Variants in ZNF503 observed in about 807,000 individuals in gnomAD.
ZNF503 encodes the protein zinc finger protein 503, also known as NocA-like zinc finger 2.
Under a neutral mutation model 34.4 loss-of-function variants are expected in ZNF503, and 15 were observed. The observed-to-expected ratio is 0.44, with a 90% confidence interval of 0.29 to 0.67. The LOEUF (loss-of-function observed/expected upper bound fraction) is 0.67, where lower values mean the gene tolerates loss of function less well. Ranked by LOEUF, ZNF503 falls within the 30% of genes least tolerant of loss-of-function variation. ZNF503 has a pLI of 0.13. For missense variants in ZNF503, 1,007 were observed against 926.8 expected (o/e 1.09, Z -1.12); for synonymous variants, 580 against 456.8 (o/e 1.27, Z -3.44).
At chr10:75,322,150 G>T in the ZNF503 span, among the ~76,000 whole-genome samples, 1 of 136,438 alleles carries the variant, frequency 7.3e-6, no homozygotes, top group Non-Finnish European at 1.5e-5. Flanking sequence ...TTTTGAGACA[G>T]AGTCTTGCTC....
Position 75,400,211 on chromosome 10 carries a change from C to A in ZNF503, c.479G>T (p.Gly160Val), listed in dbSNP as rs752351022. The change falls in exon 2 of 2, where the codon GGC (glycine) becomes GTC (valine). Residue 160 changes from glycine (G) to valine (V), a missense_variant. By Grantham distance (109) the Gly-to-Val change is moderately radical (BLOSUM62 -3). Coordinates refer to ENST00000372524, the MANE Select transcript of ZNF503 (RefSeq NM_032772.6). Reference protein sequence around the residue: ...GAAGDKDTKSGPLKLSDIGVE... With the variant: ...GAAGDKDTKSVPLKLSDIGVE... ...GCCGATGTCGCTCAGCTTCAGGGGG[C>A]CCGATTTGGTGTCCTTGTCGCCCGC... The A allele has an allele frequency of 4.4e-6, 7 of 1,603,992 alleles. No homozygotes were observed. Among genetic ancestry groups the A allele is most frequent in the Non-Finnish European group, 5.1e-6 (6 of 1,176,608 alleles).
At chr10:75,325,196 C>T in the ZNF503 span, among the ~76,000 whole-genome samples, 1 of 152,100 alleles carries the variant, frequency 6.6e-6, no homozygotes, top group Non-Finnish European at 1.5e-5. Flanking sequence ...AAATGACTAT[C>T]TTTTCTCCAT....
chr10:75,332,081 T>C, the ZNF503 span, among the ~76,000 whole-genome samples: 1 of 152,152 alleles, frequency 6.6e-6, no homozygotes, highest in Non-Finnish European at 1.5e-5. Flanking sequence ...TTCTTTGTCT[T>C]TGAGCAGTTT....
the ZNF503 span, among the ~76,000 whole-genome samples, chr10:75,316,880 C>T: frequency 2.8e-4 from 42 of 152,244 alleles, no homozygotes; most frequent in Middle Eastern, 6.8e-3. Context: ...GGAAACATAA[C>T]ATGCCAAAAC....
At chr10:75,326,812 A>G in the ZNF503 span, among the ~76,000 whole-genome samples, 2 of 152,082 alleles carry the variant, frequency 1.3e-5, no homozygotes, top group East Asian at 3.9e-4. Flanking sequence ...CTGGGATTAC[A>G]GGCTCATGCC....
At chr10:75,287,555 C>T in the ZNF503 span, among the ~76,000 whole-genome samples, 1 of 152,116 alleles carries the variant, frequency 6.6e-6, no homozygotes, top group Non-Finnish European at 1.5e-5. Context: ...TACCTACCCT[C>T]CCATACCTAC....
the ZNF503 span, among the ~76,000 whole-genome samples, chr10:75,303,303 C>T: frequency 6.6e-6 from 1 of 152,142 alleles, no homozygotes; most frequent in African/African-American, 2.4e-5. Flanking sequence ...GAGTCCAGGG[C>T]CAGGTGTATG....
At chr10:75,323,466 A>ATTTCCACCAGCACTATTTGAGG in the ZNF503 span, among the ~76,000 whole-genome samples, 4 of 152,166 alleles carry the variant, frequency 2.6e-5, no homozygotes, top group Non-Finnish European at 5.9e-5. Flanking sequence ...ACCATTTTGC[A>ATTTCCACCAGCACTATTTGAGG]TTTCCACCAG....
rs1315756496 is a variant in ZNF503 at position 75,399,271 on chromosome 10, G to A, written c.1419C>T (p.His473=). ...GCGAGGAGTGCACACCGTGCAGCGG[G>A]TGCGTGGGGTACACCAGCGGGTATC... ...KSGYPLVYPT[H]PLHGVHSSLT... is the part of the protein sequence containing the mutation. The change falls in exon 2 of 2, where the codon CAC becomes CAT. Residue 473 remains histidine (H), a synonymous_variant. Coordinates refer to ENST00000372524, the MANE Select transcript of ZNF503 (RefSeq NM_032772.6). 14 of 1,599,422 alleles carry A rather than the reference G, an allele frequency of 8.8e-6. No individual in the cohort carries two copies. Among genetic ancestry groups the A allele is most frequent in the Non-Finnish European group, 1.2e-5 (14 of 1,173,568 alleles).
chr10:75,317,861 T>G, the ZNF503 span, among the ~76,000 whole-genome samples: 1 of 151,370 alleles, frequency 6.6e-6, no homozygotes, highest in African/African-American at 2.4e-5. Context: ...CTGGGCATGA[T>G]GGCAGGCACC....
chr10:75,299,762 GCCGTGAAA>G, the ZNF503 span, among the ~76,000 whole-genome samples: 2 of 152,196 alleles, frequency 1.3e-5, no homozygotes, highest in Non-Finnish European at 2.9e-5. Flanking sequence ...TGCCTGCCGA[GCCGTGAAA>G]CCAGCAAGTT....
the ZNF503 span, chr10:75,382,786 A>G: frequency 9.2e-6 from 3 of 326,274 alleles, no homozygotes; most frequent in Admixed American, 1.2e-4. Flanking sequence ...CAGCTCTTTA[A>G]GAAGACTCCC....
the ZNF503 span, among the ~76,000 whole-genome samples, chr10:75,304,837 A>G: frequency 6.6e-6 from 1 of 152,282 alleles, no homozygotes; most frequent in South Asian, 2.1e-4. Context: ...CTGCATAAAG[A>G]TTATTTCTAA....
the ZNF503 span, among the ~76,000 whole-genome samples, chr10:75,311,326 C>T: frequency 6.6e-6 from 1 of 152,188 alleles, no homozygotes; most frequent in Non-Finnish European, 1.5e-5. Flanking sequence ...CTGCCTTTCC[C>T]ACTCCACTGA....
At chr10:75,377,743 C>T in the ZNF503 span, among the ~76,000 whole-genome samples, 2 of 152,204 alleles carry the variant, frequency 1.3e-5, no homozygotes, top group South Asian at 4.1e-4. Context: ...TACCATTGTG[C>T]AATGCGAGGT....
Position 75,399,139 on chromosome 10 carries a change from G to A in ZNF503, c.1551C>T (p.Asn517=), listed in dbSNP as rs767476555. Reference sequence around the variant, plus strand: ...CGCACGGCCCGTTGGCCGACACCCAGTTGCAGATGTGGGGGAGTGGGTCGT... The same window carrying A: ...CGCACGGCCCGTTGGCCGACACCCAATTGCAGATGTGGGGGAGTGGGTCGT... ...LPNDPLPHIC[N]WVSANGPCDK... is the part of the protein sequence containing the mutation. The change falls in exon 2 of 2, where the codon AAC becomes AAT. Residue 517 remains asparagine, a synonymous_variant. Coordinates refer to ENST00000372524, the MANE Select transcript of ZNF503 (RefSeq NM_032772.6). The A allele has an allele frequency of 1.6e-5, 26 of 1,613,482 alleles. No individual in the cohort carries two copies. Among genetic ancestry groups the A allele is most frequent in the Middle Eastern group, 1.6e-4 (1 of 6,082 alleles).
At chr10:75,294,933 C>G in the ZNF503 span, among the ~76,000 whole-genome samples, 1 of 152,150 alleles carries the variant, frequency 6.6e-6, no homozygotes, top group Non-Finnish European at 1.5e-5. Flanking sequence ...TTATTGGTTA[C>G]GCTGTTGTGT....
chr10:75,333,077 C>G, the ZNF503 span, among the ~76,000 whole-genome samples: 1 of 146,896 alleles, frequency 6.8e-6, no homozygotes, highest in Admixed American at 6.7e-5. Context: ...CCTCACCTCC[C>G]AGACGGGGCG....
chr10:75,294,424 G>A, the ZNF503 span, among the ~76,000 whole-genome samples: 1 of 152,206 alleles, frequency 6.6e-6, no homozygotes, highest in Non-Finnish European at 1.5e-5. Context: ...AGGGCCTGGC[G>A]TTGGGCTTTC....
Sources: allele counts gnomAD v4.1 joint callset (sites outside exome capture counted in the v4.1 genomes callset), GRCh38; gene constraint gnomAD v4.1.1; transcripts MANE v1.5; gene names NCBI Gene and HGNC (gene_info 2026-07-23, HGNC 2026-07-21).